SLC5A6: variants seen among roughly 807,000 people sequenced by gnomAD.
SLC5A6 encodes sodium-dependent multivitamin transporter.
Under a neutral mutation model 67.9 loss-of-function variants are expected in SLC5A6, and 31 were observed. The ratio of observed to expected loss-of-function variants is 0.46; its 90% CI spans 0.34 to 0.62. The LOEUF (loss-of-function observed/expected upper bound fraction) is 0.62. SLC5A6 is among the 20% of genes least tolerant of loss of function. The probability of loss-of-function intolerance (pLI) is 0.01; values close to 1 mark genes in which losing one functional copy is unlikely to be tolerated. For missense variants in SLC5A6, 673 were observed against 812.8 expected (o/e 0.83, Z 2.09); for synonymous variants, 343 against 331.0 (o/e 1.04, Z -0.39).
rs1035059310 is a variant in SLC5A6 at position 27,203,097 on chromosome 2, G to A, written c.1207+136C>T. 17 of 1,513,272 alleles carry A rather than the reference G, an allele frequency of 1.1e-5. No homozygotes were observed. In the African/African-American group the frequency reaches 2.1e-4, roughly 19 times the overall value. The allele number at this position is 1,513,272 out of a possible 1,614,324, so 93.7% of individuals were successfully genotyped here. A position where few individuals can be genotyped will look rare whatever the true frequency, so the allele number is the denominator to read the frequency against. On this transcript the variant is annotated intron_variant, in intron 11 of 16. Transcript: ENST00000310574. ...CCCTGAGATGGAAACAACCATGCAT[G>A]CAGGGAAGGTTGTGTGCTTCATTAG...
chr2:27,201,965 G>T, intron 13 of SLC5A6, 23 bp downstream of exon 13: 2 of 1,609,754 alleles, frequency 1.2e-6, no homozygotes, highest in Non-Finnish European at 1.7e-6. Flanking sequence ...ACACATGACT[G>T]TGGATCCAGA....
Position 27,212,251 on chromosome 2 carries a change from C to A in SLC5A6, c.-439G>T, listed in dbSNP as rs746726954. 1 of 1,560,748 alleles carries A rather than the reference C, an allele frequency of 6.4e-7. No individual in the cohort carries two copies. Among genetic ancestry groups the A allele is most frequent in the Non-Finnish European group, 8.7e-7 (1 of 1,152,912 alleles). On this transcript the variant is annotated 5_prime_UTR_variant, in exon 1 of 17. Coordinates refer to ENST00000310574, the MANE Select transcript of SLC5A6 (RefSeq NM_021095.4). ...ACGAGCAGGAAAAGCCCCCAAGCAG[C>A]CCCAGGGCGACTGGACCGGGCCGCT...
chr2:27,212,640 C>T (rs1350404078), upstream of SLC5A6: 1 of 1,404,938 alleles, frequency 7.1e-7, no homozygotes, highest in South Asian at 1.6e-5. Context: ...TCGTGCAGGC[C>T]TTCGGCGCCC....
intron 10 of SLC5A6, 58 bp downstream of exon 10, chr2:27,203,721 C>T (rs984394754): frequency 2.1e-5 from 27 of 1,316,470 alleles, no homozygotes; most frequent in Non-Finnish European, 2.8e-5. Flanking sequence ...CACCCATCAC[C>T]TTGTACCAAA....
intron 4 of SLC5A6, 103 bp from the exon 5 acceptor site, chr2:27,206,637 T>C (rs1410431960): frequency 9.0e-6 from 10 of 1,105,184 alleles, no homozygotes; most frequent in Admixed American, 3.4e-5. Context: ...TCCCCTCACC[T>C]AGGCTCACTT....
upstream of SLC5A6, chr2:27,212,519 G>C: frequency 6.6e-7 from 1 of 1,511,540 alleles, no homozygotes; most frequent in Non-Finnish European, 8.8e-7. Context: ...GGCCAGCCGT[G>C]CGTCGCGCTC....
chr2:27,206,394 T>C (rs980852645), intron 5 of SLC5A6, 89 bp downstream of exon 5: 1 of 1,275,322 alleles, frequency 7.8e-7, no homozygotes. Flanking sequence ...GGTCAGGTTC[T>C]TTTCCACATA....
chr2:27,210,128 T>G (rs1451253375), intron 2 of SLC5A6, among the ~76,000 whole-genome samples: 2 of 152,138 alleles, frequency 1.3e-5, no homozygotes, highest in Non-Finnish European at 2.9e-5. Context: ...AGTCCCAGTA[T>G]GGGACACGGA....
chr2:27,205,639 T>C (rs1674004815), intron 6 of SLC5A6, 135 bp from the exon 7 acceptor site: 3 of 1,079,312 alleles, frequency 2.8e-6, no homozygotes, highest in Admixed American at 4.3e-5. Flanking sequence ...AGCCAGTTTT[T>C]AGTTTCTGTC....
upstream of SLC5A6, chr2:27,212,321 G>A (rs1674603592): frequency 1.9e-6 from 3 of 1,549,168 alleles, no homozygotes; most frequent in Middle Eastern, 1.7e-4. Context: ...GCGGGGCGGG[G>A]CCGCGGGGCC....
chr2:27,212,173 G>A lies in SLC5A6; in HGVS notation c.-361C>T. 1.3e-6 allele frequency: 2 copies of A among 1,536,936 alleles called. No individual in the cohort carries two copies. The highest frequency in any genetic ancestry group is 1.7e-6 in the Non-Finnish European group (2 of 1,142,888). ...TAAAGGGGAAAAGGAAGAGGGGGTCGGCCAGTATCCCCGAAAGAGGGCTAG... is the reference window on the plus strand; with the variant it reads ...TAAAGGGGAAAAGGAAGAGGGGGTCAGCCAGTATCCCCGAAAGAGGGCTAG... On this transcript the variant is annotated 5_prime_UTR_variant, in exon 1 of 17. Coordinates refer to ENST00000310574, the MANE Select transcript of SLC5A6 (RefSeq NM_021095.4).
upstream of SLC5A6, chr2:27,212,428 C>T (rs1402137663): frequency 2.6e-6 from 4 of 1,558,016 alleles, no homozygotes; most frequent in East Asian, 2.4e-5. Context: ...CCGCCCTGCT[C>T]CTCGCTCTGG....
Position 27,203,878 on chromosome 2 carries a change from A to G in SLC5A6, c.1006-11T>C, listed in dbSNP as rs1303393493. On this transcript the variant is annotated splice_polypyrimidine_tract_variant and intron_variant, in intron 9 of 16. Transcript: ENST00000310574. ...AAAGTACAGGACGAACTGCAAGCAG[A>G]GCGGAGGTACACAGCAGTCCTCAGA... 1.9e-6 allele frequency: 3 copies of G among 1,610,174 alleles called. No homozygotes were observed. The highest frequency in any genetic ancestry group is 2.5e-6 in the Non-Finnish European group (3 of 1,176,630).
chr2:27,203,099 A>T, intron 11 of SLC5A6, 134 bp downstream of exon 11: 1 of 1,515,970 alleles, frequency 6.6e-7, no homozygotes, highest in Non-Finnish European at 8.8e-7. Context: ...CCATGCATGC[A>T]GGGAAGGTTG....
intron 6 of SLC5A6, among the ~76,000 whole-genome samples, 199 bp from the exon 7 acceptor site, chr2:27,205,703 G>C (rs1027565466): frequency 6.6e-6 from 1 of 152,132 alleles, no homozygotes; most frequent in African/African-American, 2.4e-5. Context: ...GACCCAACCA[G>C]AAACAGAAAC....
chr2:27,202,331 G>C (rs1042779907), intron 12 of SLC5A6, among the ~76,000 whole-genome samples: 1 of 151,776 alleles, frequency 6.6e-6, no homozygotes, highest in African/African-American at 2.4e-5. Flanking sequence ...GTAAAACCCC[G>C]TCTCTACTAC....
Position 27,206,112 on chromosome 2 carries a change from C to A in SLC5A6, c.512-19G>T. ...CCAGTCACTGTAAGCATAGAAGCCA[C>A]ATTCTTATCCCTGGAAAAGGGTTCC... On this transcript the variant is annotated intron_variant, in intron 5 of 16. Transcript: ENST00000310574. The A allele has an allele frequency of 6.2e-7, 1 of 1,613,428 alleles. No individual in the cohort carries two copies. Among genetic ancestry groups the A allele is most frequent in the Non-Finnish European group, 8.5e-7 (1 of 1,179,374 alleles).
At chr2:27,210,494 G>C (rs886215740) in intron 2 of SLC5A6, among the ~76,000 whole-genome samples, 7 of 148,830 alleles carry the variant, frequency 4.7e-5, no homozygotes, top group African/African-American at 1.5e-4. Context: ...GCAGTGACAC[G>C]ATCTCGGCTC....
Position 27,202,872 on chromosome 2 carries a change from A to G in SLC5A6, c.1216T>C (p.Tyr406His). ...GCCATTCCTAGACAAAGCAGCCCAT[A>G]GCCAAAGGCTGGGGGAAAAGGACAG... ...IMLSRGLAFG[Y>H]GLLCLGMAYI... The change falls in exon 12 of 17, where the codon TAT (tyrosine) becomes CAT (histidine). Residue 406 changes from tyrosine (Y) to histidine (H), a missense_variant. By Grantham distance (83) the Tyr-to-His change is moderately conservative. Coordinates refer to ENST00000310574, the MANE Select transcript of SLC5A6 (RefSeq NM_021095.4). The G allele has an allele frequency of 6.2e-7, 1 of 1,614,050 alleles. No individual in the cohort carries two copies. The highest frequency in any genetic ancestry group is 1.1e-5 in the South Asian group (1 of 91,060).
Sources: gnomAD v4.1 joint callset for allele counts (sites outside exome capture counted in the v4.1 genomes callset) on GRCh38, gnomAD v4.1.1 for gene constraint, MANE v1.5 for transcripts, NCBI Gene and HGNC (gene_info 2026-07-23, HGNC 2026-07-21) for gene names.